Variants in NPEPL1 observed in about 807,000 individuals in gnomAD.
NPEPL1 encodes the protein aminopeptidase like 1.
Under a neutral mutation model 52.4 loss-of-function variants are expected in NPEPL1, and 45 were observed. The observed-to-expected ratio is 0.86, with a 90% CI of 0.68 to 1.10. The LOEUF (loss-of-function observed/expected upper bound fraction) is 1.10, where lower values mean the gene tolerates loss of function less well. Ranked by LOEUF, NPEPL1 falls within the 50% of genes least tolerant of loss-of-function variation. NPEPL1 has a pLI of 0.00. For synonymous variants in NPEPL1, 360 were observed against 314.7 expected (o/e 1.14, Z -1.52); for missense variants, 696 against 710.9 (o/e 0.98, Z 0.24).
intron 7 of NPEPL1, among the ~76,000 whole-genome samples, chr20:58,707,951 G>A (rs181437959): frequency 3.4e-4 from 52 of 152,300 alleles, no homozygotes; most frequent in South Asian, 1.7e-3. Flanking sequence ...GCGTGGTGGC[G>A]CGCACCTGTA....
intron 3 of NPEPL1, among the ~76,000 whole-genome samples, chr20:58,695,264 T>G (rs1219787747): frequency 2.0e-5 from 3 of 150,808 alleles, no homozygotes; most frequent in Non-Finnish European, 3.0e-5. Context: ...ATGAGTGGTG[T>G]GTGTGTGTGT....
rs1275818032 is a variant in NPEPL1, at chr20:58,692,863, C to T, written c.-38C>T. On this transcript the variant is annotated 5_prime_UTR_variant, in exon 1 of 12. Transcript: ENST00000356091. This position sits in a 1 kb window ranked among gnomAD's most constrained non-coding sequence, Gnocchi z 5.7. The stretch of plus-strand genomic sequence containing the variant: ...GAAGGGGGCCGAGCGGCGGGCCGGG[C>T]CGGGCCGGGCAGGGCCGGGGCGTGG... 1.0e-6 allele frequency: 1 copy of T among 998,714 alleles called. No homozygotes were observed. Among genetic ancestry groups the T allele is most frequent in the Non-Finnish European group, 1.2e-6 (1 of 838,378 alleles). 61.9% of individuals were successfully genotyped at this position (998,714 alleles called of 1,614,324 possible). A position where few individuals can be genotyped will look rare whatever the true frequency, so the allele number is the denominator to read the frequency against.
intron 6 of NPEPL1, among the ~76,000 whole-genome samples, chr20:58,706,146 A>G (rs1203038760): frequency 6.6e-6 from 1 of 152,222 alleles, no homozygotes; most frequent in Non-Finnish European, 1.5e-5. Context: ...CAACCAGCGT[A>G]TAGGAAACAG....
chr20:58,712,425 C>A, intron 7 of NPEPL1, 54 bp from the exon 8 acceptor site: 1 of 1,229,114 alleles, frequency 8.1e-7, no homozygotes, highest in South Asian at 1.2e-5. Flanking sequence ...TCGTCCTCCC[C>A]CCTCCCCAAA....
chr20:58,689,539 G>T (rs1436348720), upstream of NPEPL1, among the ~76,000 whole-genome samples: 1 of 152,164 alleles, frequency 6.6e-6, no homozygotes, highest in African/African-American at 2.4e-5. Flanking sequence ...GGGATTACAG[G>T]CCTGAGCCAC....
intron 6 of NPEPL1, 69 bp from the exon 7 acceptor site, chr20:58,707,054 G>A: frequency 6.8e-7 from 1 of 1,475,714 alleles, no homozygotes; most frequent in Non-Finnish European, 9.3e-7. Flanking sequence ...GGTGGGGGTG[G>A]GGGGCTTCCG....
intron 3 of NPEPL1, among the ~76,000 whole-genome samples, chr20:58,698,181 G>C (rs1393159902): frequency 6.6e-6 from 1 of 152,128 alleles, no homozygotes; most frequent in Non-Finnish European, 1.5e-5. Context: ...GAGTGCTTCT[G>C]CTTGGTGGGG....
At chr20:58,707,064 G>T in intron 6 of NPEPL1, 59 bp from the exon 7 acceptor site, 1 of 1,516,878 alleles carries the variant, frequency 6.6e-7, no homozygotes, top group Non-Finnish European at 9.0e-7. Flanking sequence ...GGGGGCTTCC[G>T]CTGCCAGGCC....
At chr20:58,691,461 C>T (rs1481114490), upstream of NPEPL1, 1 of 625,866 alleles carries the variant, frequency 1.6e-6, no homozygotes, top group Admixed American at 2.3e-5. Context: ...TCAAAAAGAC[C>T]TGCCTTCAGG....
intron 6 of NPEPL1, chr20:58,705,554 C>T (rs747959666): frequency 2.2e-6 from 1 of 456,282 alleles, no homozygotes; most frequent in South Asian, 1.5e-5. Context: ...TGGCCTGATA[C>T]TCCAGCACAG....
At chr20:58,689,297 G>C (rs533059391), upstream of NPEPL1, 1 of 151,998 alleles carries the variant, frequency 6.6e-6, no homozygotes, top group Non-Finnish European at 1.5e-5. Flanking sequence ...CAGAGTCTCT[G>C]TCCTGCAGAT....
chr20:58,692,805 C>T lies in NPEPL1; in HGVS notation c.-96C>T. The T allele has an allele frequency of 9.2e-6, 9 of 973,118 alleles. No individual in the cohort carries two copies. The highest frequency in any genetic ancestry group is 9.7e-6 in the Non-Finnish European group (8 of 821,822). 60.3% of individuals were successfully genotyped at this position (973,118 alleles called of 1,614,324 possible). A position where few individuals can be genotyped will look rare whatever the true frequency, so the allele number is the denominator to read the frequency against. On this transcript the variant is annotated 5_prime_UTR_variant, in exon 1 of 12. Coordinates refer to ENST00000356091, the MANE Select transcript of NPEPL1 (RefSeq NM_024663.4). The surrounding 1 kb of genome is among the most constrained non-coding windows in gnomAD (Gnocchi z 5.7). ...GGGCCCGCGGGCTGCCGGGCAGGGC[C>T]GGGGCGGTGCCGAGGCCGGGCCGGA...
upstream of NPEPL1, chr20:58,692,706 C>A: frequency 3.5e-6 from 2 of 568,726 alleles, no homozygotes; most frequent in Non-Finnish European, 4.4e-6. The surrounding 1 kb of genome is among the most constrained non-coding windows in gnomAD (Gnocchi z 5.7). Flanking sequence ...TTCCGCCCGG[C>A]CTGGCCGGCG....
At chr20:58,695,187 TTGTG>T (rs1189924691) in intron 3 of NPEPL1, among the ~76,000 whole-genome samples, 1 of 8,414 alleles carries the variant, frequency 1.2e-4, no homozygotes, top group Non-Finnish European at 2.3e-4. Flanking sequence ...GTGTGTGTTG[TTGTG>T]TGTGAGTACT....
chr20:58,709,931 G>A (rs1490407657), intron 7 of NPEPL1, among the ~76,000 whole-genome samples: 1 of 152,004 alleles, frequency 6.6e-6, no homozygotes, highest in African/African-American at 2.4e-5. Context: ...TGATGGTCCT[G>A]TGTTGGTGAT....
chr20:58,711,801 T>C (rs901351401), intron 7 of NPEPL1, among the ~76,000 whole-genome samples: 7 of 152,238 alleles, frequency 4.6e-5, no homozygotes, highest in African/African-American at 1.7e-4. Flanking sequence ...CTGGATCCTA[T>C]AGAGCTGTGT....
upstream of NPEPL1, chr20:58,692,569 C>T (rs1200480493): frequency 1.4e-5 from 2 of 144,908 alleles, no homozygotes; most frequent in Admixed American, 1.4e-4. The surrounding 1 kb of genome is among the most constrained non-coding windows in gnomAD (Gnocchi z 5.7). Context: ...GGCCACGTCG[C>T]CCCGCGTGTT....
At chr20:58,714,769 C>T (rs1269223056) in intron 11 of NPEPL1, 99 bp downstream of exon 11, 3 of 965,766 alleles carry the variant, frequency 3.1e-6, no homozygotes, top group Non-Finnish European at 4.6e-6. Flanking sequence ...TCATCAGAAA[C>T]TTCTGTCTGT....
At chr20:58,705,092 G>C (rs1423587078) in intron 6 of NPEPL1, among the ~76,000 whole-genome samples, 2 of 152,172 alleles carry the variant, frequency 1.3e-5, no homozygotes, top group Admixed American at 6.5e-5. Flanking sequence ...GGTGATAGGA[G>C]AAAGTTTTTC....
Sources: allele counts gnomAD v4.1 joint callset (sites outside exome capture counted in the v4.1 genomes callset), GRCh38; gene constraint gnomAD v4.1.1; non-coding constraint Gnocchi (gnomAD v3.1); transcripts MANE v1.5; gene names NCBI Gene and HGNC (gene_info 2026-07-23, HGNC 2026-07-21).